AMZ2: variants seen among roughly 807,000 people sequenced by gnomAD.
AMZ2 encodes archaemetzincin-2.
A neutral mutation model predicts 36.7 loss-of-function variants in AMZ2; 26 were observed. That is an observed-to-expected ratio of 0.71 (90% CI 0.52 to 0.98). The LOEUF is 0.98. AMZ2 is among the 50% of genes least tolerant of loss of function. The pLI is 0.00. For missense variants in AMZ2, 394 were observed against 430.5 expected (o/e 0.92, Z 0.75); for synonymous variants, 144 against 149.1 (o/e 0.97, Z 0.25).
rs2073757336 is a variant in AMZ2 at position 68,235,205 on chromosome 17, A to G, written c.-66-13435A>G. Among the ~76,000 whole-genome samples, 2 of 152,200 alleles carry G rather than the reference A, an allele frequency of 1.3e-5. No homozygotes were observed. Among genetic ancestry groups the G allele is most frequent in the South Asian group, 4.1e-4 (2 of 4,834 alleles). ...GGATATATCACAAGTACTTGTCTCC[A>G]GCGCTGGTTTCTTAGCAAAAAAACA... On this transcript the variant is annotated intron_variant, in intron 1 of 7. Coordinates refer to the AMZ2 transcript ENST00000674770. This position sits in a 1 kb window ranked among gnomAD's most constrained non-coding sequence, Gnocchi z 4.2.
chr17:68,208,677 C>T (rs1972044889), intron 1 of AMZ2, among the ~76,000 whole-genome samples: 1 of 152,234 alleles, frequency 6.6e-6, no homozygotes, highest in Non-Finnish European at 1.5e-5. Context: ...AATTTTGCTG[C>T]TGCTCACTCT....
chr17:68,229,645 C>G (rs1231170285), intron 1 of AMZ2, among the ~76,000 whole-genome samples: 5 of 152,224 alleles, frequency 3.3e-5, no homozygotes, highest in Non-Finnish European at 5.9e-5. Context: ...GTGCTGTTCC[C>G]TGTCTGGGGA....
chr17:68,237,826 A>G (rs2073822028), intron 1 of AMZ2, among the ~76,000 whole-genome samples: 1 of 152,012 alleles, frequency 6.6e-6, no homozygotes, highest in Admixed American at 6.5e-5. Context: ...GGTTCCCTGC[A>G]CTGACCTGGC....
Position 68,251,184 on chromosome 17 carries a change from C to G in AMZ2, c.586+6C>G. On this transcript the variant is annotated splice_donor_region_variant and intron_variant, in intron 4 of 6. Coordinates refer to ENST00000359904, the MANE Select transcript of AMZ2 (RefSeq NM_016627.5). ...ACAGGCCTCTTTGACAGATGGTATT[C>G]CGTTTTTGGCATTGTTGTTAGAAGC... 1 of 1,603,456 alleles carries G rather than the reference C, an allele frequency of 6.2e-7. No homozygotes were observed. The highest frequency in any genetic ancestry group is 8.5e-7 in the Non-Finnish European group (1 of 1,177,490).
At chr17:68,206,251 C>G in intron 1 of AMZ2, 3 of 1,299,500 alleles carry the variant, frequency 2.3e-6, no homozygotes, top group African/African-American at 3.0e-5. Flanking sequence ...ACCCACCCAG[C>G]CCAGTTGCTG....
intron 4 of AMZ2, among the ~76,000 whole-genome samples, chr17:68,252,815 C>T (rs540486993): frequency 2.6e-5 from 4 of 152,260 alleles, no homozygotes; most frequent in African/African-American, 9.6e-5. Flanking sequence ...TGAGTCACCA[C>T]ACCCAGCTAA....
chr17:68,233,101 C>G (rs562785474), intron 1 of AMZ2, among the ~76,000 whole-genome samples: 1 of 152,368 alleles, frequency 6.6e-6, no homozygotes, highest in East Asian at 1.9e-4. Context: ...AGATGGCCAG[C>G]TACATGTTGT....
At chr17:68,248,802 TTA>T (rs1235013384) in intron 1 of AMZ2, 97 bp downstream of exon 1, 1 of 980,220 alleles carries the variant, frequency 1.0e-6, no homozygotes, top group Admixed American at 5.8e-5. Context: ...GAGCCTATGC[TTA>T]TATCAGAGCT....
intron 4 of AMZ2, among the ~76,000 whole-genome samples, chr17:68,253,718 G>A (rs1296760322): frequency 6.6e-6 from 1 of 151,702 alleles, no homozygotes; most frequent in Admixed American, 6.6e-5. Flanking sequence ...TGTTTAGTGT[G>A]TCCTTAAATA....
chr17:68,207,857 G>C (rs2072888501), intron 1 of AMZ2, among the ~76,000 whole-genome samples: 1 of 152,206 alleles, frequency 6.6e-6, no homozygotes, highest in East Asian at 1.9e-4. Context: ...GAGGTGTGGA[G>C]GGAGAGGCGC....
intron 1 of AMZ2, among the ~76,000 whole-genome samples, chr17:68,210,583 T>A (rs1447821855): frequency 6.6e-6 from 1 of 152,138 alleles, no homozygotes; most frequent in Admixed American, 6.5e-5. Context: ...TTTGGGAAGA[T>A]GAAAAAGTTC....
At chr17:68,236,624 C>T (rs1476104117) in intron 1 of AMZ2, among the ~76,000 whole-genome samples, 12 of 137,160 alleles carry the variant, frequency 8.7e-5, no homozygotes, top group South Asian at 2.2e-4. Context: ...CAGGCTGGAG[C>T]GCACTGGGGA....
chr17:68,230,371 G>A (rs1352201607), intron 1 of AMZ2, among the ~76,000 whole-genome samples: 1 of 152,218 alleles, frequency 6.6e-6, no homozygotes, highest in East Asian at 1.9e-4. Flanking sequence ...TCTGTGTCCG[G>A]CCTCCTGCCC....
intron 1 of AMZ2, among the ~76,000 whole-genome samples, chr17:68,208,430 G>A (rs1445692996): frequency 5.3e-5 from 8 of 152,222 alleles, no homozygotes; most frequent in African/African-American, 1.9e-4. Flanking sequence ...TCGACAATCT[G>A]TATCTAGCTA....
rs1568377912 is a variant in AMZ2 at position 68,250,946 on chromosome 17, C to T, written c.436C>T (p.His146Tyr). The T allele has an allele frequency of 1.2e-6, 2 of 1,612,552 alleles. No homozygotes were observed. The highest frequency in any genetic ancestry group is 2.2e-5 in the East Asian group (1 of 44,844). The change falls in exon 3 of 7, where the codon CAC (histidine) becomes TAC (tyrosine). Residue 146 changes from histidine to tyrosine, a missense_variant. Coordinates refer to ENST00000359904, the MANE Select transcript of AMZ2 (RefSeq NM_016627.5). ...RCSFRVNENT[H>Y]NLQIHAGDIL... Reference sequence around the variant, plus strand: ...TTCCTTTAGAGTCAATGAGAACACACACAACCTACAAATTCATGCAGGTGA... The same window carrying T: ...TTCCTTTAGAGTCAATGAGAACACATACAACCTACAAATTCATGCAGGTGA...
chr17:68,236,755 T>C (rs782151937), intron 1 of AMZ2, among the ~76,000 whole-genome samples: 1 of 151,714 alleles, frequency 6.6e-6, no homozygotes, highest in Non-Finnish European at 1.5e-5. Context: ...TTTTTATATA[T>C]ATTTTAGTAG....
At position 68,231,420 on chromosome 17, in the gene AMZ2, A is replaced by ACTTGCT. The variant is rs1555731217; in HGVS notation, c.-66-17220_-66-17219insCTTGCT. On this transcript the variant is annotated intron_variant, in intron 1 of 7. Transcript: ENST00000674770. ...CTCTGTGAGTCATCCAGCACTAGTT[A>ACTTGCT]AGTTGGAATGAACAAAACTAGCCAT... 4.8e-3 allele frequency among the ~76,000 whole-genome samples: 172 copies of ACTTGCT among 35,788 alleles called. 5 individuals carry two copies. The highest frequency in any genetic ancestry group is 0.013 in the African/African-American group (53 of 4,220). The allele number at this position is 35,788 out of a possible 152,430, so 23.5% of individuals were successfully genotyped here. A position where few individuals can be genotyped will look rare whatever the true frequency, so the allele number is the denominator to read the frequency against.
chr17:68,226,364 G>A (rs569619501), intron 1 of AMZ2, among the ~76,000 whole-genome samples: 1 of 152,344 alleles, frequency 6.6e-6, no homozygotes, highest in African/African-American at 2.4e-5. Flanking sequence ...CCTTCAGGAC[G>A]AAGAGTGAGG....
At chr17:68,237,778 G>A (rs1449434754) in intron 1 of AMZ2, among the ~76,000 whole-genome samples, 1 of 152,182 alleles carries the variant, frequency 6.6e-6, no homozygotes, top group African/African-American at 2.4e-5. Context: ...CACCTGCTGC[G>A]GCTGTGCTTC....
Sources: gnomAD v4.1 joint callset for allele counts (sites outside exome capture counted in the v4.1 genomes callset) on GRCh38, gnomAD v4.1.1 for gene constraint, Gnocchi (gnomAD v3.1) non-coding constraint, MANE v1.5 for transcripts, NCBI Gene and HGNC (gene_info 2026-07-23, HGNC 2026-07-21) for gene names.